The following KCNU1 variants were observed in gnomAD, a reference collection of about 807,000 sequenced individuals.
The protein encoded by KCNU1 is potassium calcium-activated channel subfamily U member 1.
In KCNU1, 93 loss-of-function variants were observed where a neutral mutation model predicts 126.8. The observed-to-expected ratio is 0.73, with a 90% CI of 0.62 to 0.87. The LOEUF is 0.87. Ranked by LOEUF, KCNU1 falls within the 40% of genes least tolerant of loss-of-function variation. The probability of loss-of-function intolerance (pLI) is 0.00; values close to 1 mark genes in which losing one functional copy is unlikely to be tolerated. For synonymous variants in KCNU1, 523 were observed against 494.2 expected (o/e 1.06, Z -0.77); for missense variants, 1,330 against 1,367.1 (o/e 0.97, Z 0.43).
chr8:36,881,348 G>T (rs980047947), intron 19 of KCNU1, among the ~76,000 whole-genome samples: 1 of 152,022 alleles, frequency 6.6e-6, no homozygotes, highest in Non-Finnish European at 1.5e-5. Flanking sequence ...TCAGCCTCTG[G>T]GGTAACTAGT....
At chr8:36,908,980 T>A (rs376031513) in intron 20 of KCNU1, among the ~76,000 whole-genome samples, 3 of 152,218 alleles carry the variant, frequency 2.0e-5, no homozygotes, top group African/African-American at 7.2e-5. Flanking sequence ...AAATGTGAAA[T>A]AAAAATCAAG....
At chr8:36,880,766 T>C in intron 19 of KCNU1, among the ~76,000 whole-genome samples, 1 of 152,198 alleles carries the variant, frequency 6.6e-6, no homozygotes, top group Non-Finnish European at 1.5e-5. Context: ...TGAGTGCCTC[T>C]TGCTGAGGCA....
chr8:36,836,198 A>G, intron 12 of KCNU1, 98 bp from the exon 13 acceptor site: 1 of 753,944 alleles, frequency 1.3e-6, no homozygotes, highest in South Asian at 1.7e-5. Context: ...AAGTTTTTCT[A>G]CACTTACCTA....
At chr8:36,800,872 G>T (rs28540502) in intron 2 of KCNU1, among the ~76,000 whole-genome samples, 1 of 152,228 alleles carries the variant, frequency 6.6e-6, no homozygotes, top group East Asian at 1.9e-4. Context: ...GTTCAGCAAC[G>T]TGCTTCAGCA....
chr8:36,857,029 C>T (rs1240457376), intron 18 of KCNU1, among the ~76,000 whole-genome samples: 1 of 152,210 alleles, frequency 6.6e-6, no homozygotes, highest in African/African-American at 2.4e-5. Context: ...GCCTGCCTCT[C>T]CTCCTGGGCA....
Position 36,833,596 on chromosome 8 carries a change from C to T in KCNU1, c.1149C>T (p.Tyr383=), listed in dbSNP as rs1185002057. 6.2e-7 allele frequency: 1 copy of T among 1,612,358 alleles called. No individual in the cohort carries two copies. Among genetic ancestry groups the T allele is most frequent in the South Asian group, 1.1e-5 (1 of 91,048 alleles). The change falls in exon 11 of 27, where the codon TAC becomes TAT. Residue 383 remains tyrosine (Y), a synonymous_variant. Coordinates refer to ENST00000399881, the MANE Select transcript of KCNU1 (RefSeq NM_001031836.3). ...AACTTGAAACCATATTTAAATGCTACTTGGCCTACACAACGTTCATTTCTG... is the reference window on the plus strand; with the variant it reads ...AACTTGAAACCATATTTAAATGCTATTTGGCCTACACAACGTTCATTTCTG... ...SLELETIFKC[Y]LAYTTFISGS...
chr8:36,817,525 A>AAAAAAAAAAT, intron 9 of KCNU1, 125 bp from the exon 10 acceptor site: 1 of 450,670 alleles, frequency 2.2e-6, no homozygotes. Flanking sequence ...AAAAAAAAAA[A>AAAAAAAAAAT]TCTGGGTGAT....
intron 19 of KCNU1, among the ~76,000 whole-genome samples, chr8:36,905,477 C>A (rs556787373): frequency 1.4e-5 from 2 of 139,542 alleles, no homozygotes; most frequent in South Asian, 4.8e-4. Context: ...AAAAAAAAAT[C>A]CTGATGTGGC....
At chr8:36,794,240 T>C (rs1481684318) in intron 2 of KCNU1, among the ~76,000 whole-genome samples, 1 of 152,032 alleles carries the variant, frequency 6.6e-6, no homozygotes, top group Non-Finnish European at 1.5e-5. Flanking sequence ...AGAACCTTTT[T>C]TTTTTGGTAT....
At chr8:36,890,688 T>A (rs1342165494) in intron 19 of KCNU1, among the ~76,000 whole-genome samples, 2 of 151,870 alleles carry the variant, frequency 1.3e-5, no homozygotes, top group Non-Finnish European at 2.9e-5. Flanking sequence ...ATAAATACAA[T>A]TAAAAGACAG....
At chr8:36,841,504 C>A (rs918469068) in intron 16 of KCNU1, among the ~76,000 whole-genome samples, 1 of 152,028 alleles carries the variant, frequency 6.6e-6, no homozygotes, top group African/African-American at 2.4e-5. Context: ...GCAGCCTGGC[C>A]AACATGGTGA....
chr8:36,835,456 C>T (rs1308133584), intron 12 of KCNU1, among the ~76,000 whole-genome samples: 1 of 151,976 alleles, frequency 6.6e-6, no homozygotes, highest in African/African-American at 2.4e-5. Flanking sequence ...GCAGTTCTGC[C>T]TCAGCCTTCC....
At chr8:36,895,172 C>A (rs979903364) in intron 19 of KCNU1, among the ~76,000 whole-genome samples, 17 of 151,924 alleles carry the variant, frequency 1.1e-4, no homozygotes, top group Admixed American at 4.6e-4. Flanking sequence ...ACTGCCCCCC[C>A]AGTTCAAGTG....
At chr8:36,817,385 G>A (rs561632125) in intron 9 of KCNU1, among the ~76,000 whole-genome samples, 68 of 151,296 alleles carry the variant, frequency 4.5e-4, no homozygotes, top group African/African-American at 1.7e-3. Context: ...TTTAATCCCA[G>A]CTACTTGGGA....
chr8:36,931,039 A>G lies in KCNU1; in HGVS notation c.2825A>G (p.Asp942Gly). 2 of 1,611,868 alleles carry G rather than the reference A, an allele frequency of 1.2e-6. No individual in the cohort carries two copies. The highest frequency in any genetic ancestry group is 1.7e-6 in the Non-Finnish European group (2 of 1,178,854). ...CAGCTGGAACAACATTTAGATAAGG[A>G]TAAAGTCTATGGTGTGGCAGATAGC... ...SSQLEQHLDK[D>G]KVYGVADSCT... is the part of the protein sequence containing the mutation. The change falls in exon 25 of 27, where the codon GAT (aspartate) becomes GGT (glycine). Residue 942 changes from aspartate (D) to glycine (G), a missense_variant. Physicochemically the swap from Asp to Gly is moderately conservative, Grantham distance 94. This residue lies in a region of KCNU1 where 1,054 missense variants were observed against 1,053.9 expected (regional missense o/e 1.00). Coordinates refer to ENST00000399881, the MANE Select transcript of KCNU1 (RefSeq NM_001031836.3).
chr8:36,806,250 T>C lies in KCNU1; in HGVS notation c.469-19T>C. 6.5e-7 allele frequency: 1 copy of C among 1,529,844 alleles called. No homozygotes were observed. The highest frequency in any genetic ancestry group is 9.0e-7 in the Non-Finnish European group (1 of 1,113,374). The allele number at this position is 1,529,844 out of a possible 1,614,324, so 94.8% of individuals were successfully genotyped here. ...CTTGAGGGTAACAGAATTTGTGTTA[T>C]TCTGTTTCTATTTCATAGTTTATGG... On this transcript the variant is annotated intron_variant, in intron 4 of 26. Transcript: ENST00000399881.
At chr8:36,890,962 C>T (rs757370425) in intron 19 of KCNU1, among the ~76,000 whole-genome samples, 1 of 151,628 alleles carries the variant, frequency 6.6e-6, no homozygotes, top group Admixed American at 6.6e-5. Context: ...AATTGTGTCT[C>T]TTGTAAATGA....
chr8:36,816,831 C>T (rs938320716), intron 9 of KCNU1, among the ~76,000 whole-genome samples: 2 of 152,046 alleles, frequency 1.3e-5, no homozygotes, highest in Non-Finnish European at 1.5e-5. Flanking sequence ...ACTAGATATT[C>T]GTAAATGTGG....
Position 36,784,390 on chromosome 8 carries a change from C to A in KCNU1, c.-21C>A, listed in dbSNP as rs1242226472. 6 of 1,590,240 alleles carry A rather than the reference C, an allele frequency of 3.8e-6. No homozygotes were observed. In the African/African-American group the frequency reaches 5.4e-5, roughly 14 times the overall value. On this transcript the variant is annotated 5_prime_UTR_variant, in exon 1 of 27. Coordinates refer to ENST00000399881, the MANE Select transcript of KCNU1 (RefSeq NM_001031836.3). Reference sequence around the variant, plus strand: ...GGCGTCATCAAATGACCTGGCAATTCCGTCTACTGATGTCTCGAACATGTT... The same window carrying A: ...GGCGTCATCAAATGACCTGGCAATTACGTCTACTGATGTCTCGAACATGTT...
Sources: gnomAD v4.1 joint callset for allele counts (sites outside exome capture counted in the v4.1 genomes callset) on GRCh38, gnomAD v4.1.1 for gene constraint, gnomAD v4.1.1 regional missense constraint, MANE v1.5 for transcripts, NCBI Gene and HGNC (gene_info 2026-07-23, HGNC 2026-07-21) for gene names.